Variants in MAF observed in about 807,000 individuals in gnomAD.
The protein encoded by MAF is MAF bZIP transcription factor, also known as transcription factor Maf.
In MAF, 10 loss-of-function variants were observed where a neutral mutation model predicts 22.0. The ratio of observed to expected loss-of-function variants is 0.45; its 90% CI spans 0.28 to 0.77. The LOEUF is 0.77. Ranked by LOEUF, MAF falls within the 30% of genes least tolerant of loss-of-function variation. The pLI, the probability that MAF is intolerant of heterozygous loss-of-function variation, is 0.12. For missense variants in MAF, 544 were observed against 548.4 expected, an observed-to-expected ratio of 0.99 and a Z score of 0.08; for synonymous variants, 337 against 255.8, an observed-to-expected ratio of 1.32 and a Z score of -3.03.
At chr16:79,588,028 CG>C (rs1912960751) in intron 1 of MAF, among the ~76,000 whole-genome samples, 1 of 152,130 alleles carries the variant, frequency 6.6e-6, no homozygotes, top group African/African-American at 2.4e-5. Flanking sequence ...CGAGCTGGGC[CG>C]CAGTGAAGTA....
At chr16:79,575,323 G>A in the MAF span, among the ~76,000 whole-genome samples, 8 of 152,246 alleles carry the variant, frequency 5.3e-5, no homozygotes, top group African/African-American at 1.9e-4. Context: ...CTTGGCTACT[G>A]CTGATTGAAC....
At chr16:79,410,088 T>G in the MAF span, among the ~76,000 whole-genome samples, 2 of 152,200 alleles carry the variant, frequency 1.3e-5, no homozygotes, top group Non-Finnish European at 2.9e-5. Context: ...CGAATCCCAG[T>G]GGCCATACTT....
chr16:79,297,758 G>C, the MAF span, among the ~76,000 whole-genome samples: 578 of 152,266 alleles, frequency 3.8e-3, 4 homozygotes, highest in African/African-American at 0.013. Context: ...GGAAATGTGG[G>C]GCTGCGTGCC....
At chr16:79,272,792 C>A in the MAF span, among the ~76,000 whole-genome samples, 1 of 152,176 alleles carries the variant, frequency 6.6e-6, no homozygotes, top group Non-Finnish European at 1.5e-5. Flanking sequence ...ACGAGAGGAG[C>A]ACCCGATATT....
the MAF span, among the ~76,000 whole-genome samples, chr16:79,400,824 T>G: frequency 6.6e-6 from 1 of 152,220 alleles, no homozygotes; most frequent in Non-Finnish European, 1.5e-5. Context: ...CTTTCAACCT[T>G]TTGTTATTGG....
chr16:79,587,163 T>C (rs996443142), intron 1 of MAF, among the ~76,000 whole-genome samples: 8 of 152,254 alleles, frequency 5.3e-5, no homozygotes, highest in African/African-American at 1.9e-4. Context: ...CTTGTATCTG[T>C]CAAAGTTGCC....
At chr16:79,256,104 C>T in the MAF span, among the ~76,000 whole-genome samples, 1 of 150,810 alleles carries the variant, frequency 6.6e-6, no homozygotes, top group South Asian at 2.1e-4. Context: ...GCCTCAGTCT[C>T]CCGAGTAGCT....
At chr16:79,258,316 T>C in the MAF span, among the ~76,000 whole-genome samples, 1 of 152,034 alleles carries the variant, frequency 6.6e-6, no homozygotes, top group East Asian at 1.9e-4. Flanking sequence ...CCCAGCAGAG[T>C]GGTCAGTCAC....
the MAF span, among the ~76,000 whole-genome samples, chr16:79,228,354 G>A: frequency 1.3e-5 from 2 of 152,044 alleles, no homozygotes; most frequent in African/African-American, 2.4e-5. Flanking sequence ...CTAAATGAGG[G>A]CAAGGTGGGT....
At chr16:79,511,559 G>A in the MAF span, among the ~76,000 whole-genome samples, 1 of 152,216 alleles carries the variant, frequency 6.6e-6, no homozygotes, top group Non-Finnish European at 1.5e-5. Context: ...TTTAGAGCCA[G>A]GAGAGAGATG....
chr16:79,346,545 G>T, the MAF span, among the ~76,000 whole-genome samples: 1 of 152,084 alleles, frequency 6.6e-6, no homozygotes, highest in Non-Finnish European at 1.5e-5. Context: ...TCCAAATAAT[G>T]CCCTCCAAGG....
the MAF span, among the ~76,000 whole-genome samples, chr16:79,436,953 C>T: frequency 6.6e-6 from 1 of 152,152 alleles, no homozygotes; most frequent in Non-Finnish European, 1.5e-5. Context: ...GGCTGATACT[C>T]CTTTGAAAGT....
the MAF span, among the ~76,000 whole-genome samples, chr16:79,428,101 A>G: frequency 6.6e-6 from 1 of 151,404 alleles, no homozygotes; most frequent in African/African-American, 2.4e-5. Flanking sequence ...CAAATTAAAA[A>G]AAAAAAAAAA....
At chr16:79,226,831 A>G in the MAF span, among the ~76,000 whole-genome samples, 3 of 152,072 alleles carry the variant, frequency 2.0e-5, 1 homozygote, top group Non-Finnish European at 4.4e-5. Flanking sequence ...CAGTGCTTGT[A>G]AAACATGCCC....
chr16:79,248,151 T>A, the MAF span, among the ~76,000 whole-genome samples: 1 of 150,802 alleles, frequency 6.6e-6, no homozygotes, highest in Non-Finnish European at 1.5e-5. Flanking sequence ...TACCACATGT[T>A]AGATACACTG....
chr16:79,598,624 G>T, intron 1 of MAF, 161 bp downstream of exon 1: 1 of 1,512,440 alleles, frequency 6.6e-7, no homozygotes, highest in Non-Finnish European at 8.8e-7. Flanking sequence ...TGTGCGTGCG[G>T]GTTTGTGTGT....
intron 1 of MAF, chr16:79,597,462 C>G: frequency 9.7e-7 from 1 of 1,026,968 alleles, no homozygotes; most frequent in Non-Finnish European, 1.2e-6. Context: ...TTTTAGTCCC[C>G]AAAGTGGGGC....
At chr16:79,588,762 A>T (rs566365963) in intron 1 of MAF, among the ~76,000 whole-genome samples, 2 of 152,172 alleles carry the variant, frequency 1.3e-5, no homozygotes, top group Non-Finnish European at 2.9e-5. Context: ...ACACCGGGCC[A>T]GATTTATCTT....
chr16:79,390,890 C>T, the MAF span, among the ~76,000 whole-genome samples: 1,646 of 152,320 alleles, frequency 0.011, 11 homozygotes, highest in Non-Finnish European at 0.019. Flanking sequence ...ACCATGCTGT[C>T]TTTCAAAGGC....
Sources: gnomAD v4.1 joint callset for allele counts (sites outside exome capture counted in the v4.1 genomes callset) on GRCh38, gnomAD v4.1.1 for gene constraint, MANE v1.5 for transcripts, NCBI Gene and HGNC (gene_info 2026-07-23, HGNC 2026-07-21) for gene names.